Variants in AP3B1 observed in about 807,000 individuals in gnomAD.
AP3B1 encodes AP-3 complex subunit beta-1.
In AP3B1, 61 loss-of-function variants were observed where a neutral mutation model predicts 132.5. The ratio of observed to expected loss-of-function variants is 0.46; its 90% CI spans 0.37 to 0.57. AP3B1 has a LOEUF of 0.57. AP3B1 is among the 20% of genes least tolerant of loss of function. The pLI, the probability that AP3B1 is intolerant of heterozygous loss-of-function variation, is 0.00. For synonymous variants in AP3B1, 388 were observed against 438.3 expected (o/e 0.89, Z 1.43); for missense variants, 1,120 against 1,289.4 (o/e 0.87, Z 2.01).
Position 78,116,279 on chromosome 5 carries a change from G to A in AP3B1, c.1969-45C>T, listed in dbSNP as rs187644572. 7.1e-5 allele frequency: 108 copies of A among 1,523,626 alleles called. 1 individual carries two copies. The highest frequency in any genetic ancestry group is 6.4e-4 in the Admixed American group (38 of 59,784). 94.4% of individuals were successfully genotyped at this position (1,523,626 alleles called of 1,614,324 possible). ...AAATATAAATGAATTCTCATTCAGA[G>A]ATTTAGAGTTCTGGCAAACTTAATC... On this transcript the variant is annotated intron_variant, in intron 17 of 26. Transcript: ENST00000255194.
chr5:78,084,901 C>T (rs1161479870), intron 22 of AP3B1, among the ~76,000 whole-genome samples: 1 of 152,014 alleles, frequency 6.6e-6, no homozygotes, highest in Non-Finnish European at 1.5e-5. Context: ...TTCCATCTGA[C>T]ATTATACCAT....
chr5:78,195,433 G>A (rs951049580), intron 7 of AP3B1, among the ~76,000 whole-genome samples: 1 of 152,198 alleles, frequency 6.6e-6, no homozygotes, highest in African/African-American at 2.4e-5. Context: ...CCTAGAAACA[G>A]ACTCTCATAA....
intron 18 of AP3B1, among the ~76,000 whole-genome samples, chr5:78,115,150 C>T (rs977264315): frequency 3.9e-5 from 6 of 152,102 alleles, no homozygotes; most frequent in Non-Finnish European, 5.9e-5. Context: ...CCAAGTTACA[C>T]GCACATACAT....
intron 1 of AP3B1, among the ~76,000 whole-genome samples, chr5:78,280,716 GA>G: frequency 6.6e-6 from 1 of 152,162 alleles, no homozygotes. Context: ...CAAGGCCACA[GA>G]AGGCAAGTTT....
intron 24 of AP3B1, among the ~76,000 whole-genome samples, chr5:78,028,996 CT>C (rs1014040387): frequency 1.3e-5 from 2 of 151,522 alleles, no homozygotes; most frequent in Admixed American, 1.3e-4. Context: ...CATAGTTTTC[CT>C]TTTTTTTGTA....
intron 7 of AP3B1, among the ~76,000 whole-genome samples, chr5:78,189,429 T>C (rs545557336): frequency 5.9e-5 from 9 of 152,164 alleles, no homozygotes; most frequent in Non-Finnish European, 1.0e-4. Flanking sequence ...TTCTTCAATA[T>C]GTATTTAATT....
intron 23 of AP3B1, among the ~76,000 whole-genome samples, chr5:78,038,020 A>G (rs1056874643): frequency 6.6e-6 from 1 of 152,200 alleles, no homozygotes; most frequent in Non-Finnish European, 1.5e-5. Context: ...GGGATGAAAA[A>G]TGGCCACTGA....
At chr5:78,280,540 G>A (rs970144905) in intron 1 of AP3B1, among the ~76,000 whole-genome samples, 20 of 152,258 alleles carry the variant, frequency 1.3e-4, no homozygotes, top group Admixed American at 3.9e-4. Context: ...CAAAGAATCC[G>A]TTTGTGCATC....
chr5:78,091,521 TCA>T (rs1267124568), intron 21 of AP3B1, among the ~76,000 whole-genome samples: 9 of 151,970 alleles, frequency 5.9e-5, no homozygotes, highest in African/African-American at 2.2e-4. Flanking sequence ...TTAGCAAGTG[TCA>T]CAGAGTCAGG....
intron 23 of AP3B1, among the ~76,000 whole-genome samples, chr5:78,038,044 A>G (rs1160052282): frequency 6.6e-6 from 1 of 152,176 alleles, no homozygotes; most frequent in East Asian, 1.9e-4. Context: ...TTTGTTGGAG[A>G]GACAACAGGA....
intron 6 of AP3B1, among the ~76,000 whole-genome samples, chr5:78,225,295 T>C (rs1348790778): frequency 6.6e-6 from 1 of 152,086 alleles, no homozygotes; most frequent in Non-Finnish European, 1.5e-5. Context: ...AGCCACAGGT[T>C]AAAGATTTTT....
intron 17 of AP3B1, among the ~76,000 whole-genome samples, chr5:78,125,224 G>C (rs985847614): frequency 6.6e-6 from 1 of 151,958 alleles, no homozygotes. Flanking sequence ...ATTAACTAAG[G>C]ATCTTCAAAA....
intron 7 of AP3B1, among the ~76,000 whole-genome samples, chr5:78,200,764 G>A (rs965988909): frequency 3.9e-5 from 6 of 151,978 alleles, no homozygotes; most frequent in East Asian, 1.9e-4. Flanking sequence ...TAACATTAAC[G>A]TTACCAAATG....
At chr5:78,063,941 T>C (rs1483435034) in intron 22 of AP3B1, among the ~76,000 whole-genome samples, 1 of 151,808 alleles carries the variant, frequency 6.6e-6, no homozygotes, top group African/African-American at 2.4e-5. Context: ...TAATTAACAC[T>C]AGGTGGAAAA....
intron 7 of AP3B1, among the ~76,000 whole-genome samples, chr5:78,182,743 C>T (rs1744422793): frequency 6.6e-6 from 1 of 152,124 alleles, no homozygotes; most frequent in Admixed American, 6.5e-5. Flanking sequence ...ATGGCCCTAC[C>T]CCCATCCCCA....
intron 17 of AP3B1, among the ~76,000 whole-genome samples, chr5:78,119,818 C>T (rs185149176): frequency 5.2e-4 from 79 of 152,226 alleles, no homozygotes; most frequent in Middle Eastern, 3.4e-3. Context: ...GGCCAACATT[C>T]GGATTCAGGA....
intron 9 of AP3B1, among the ~76,000 whole-genome samples, chr5:78,176,346 A>T (rs926694369): frequency 7.0e-6 from 1 of 143,174 alleles, no homozygotes; most frequent in Admixed American, 6.8e-5. Context: ...GCCATAGGAA[A>T]AAAAAAAAAA....
At chr5:78,044,059 G>A (rs548242637) in intron 22 of AP3B1, 4 of 296,974 alleles carry the variant, frequency 1.3e-5, no homozygotes, top group African/African-American at 4.4e-5. Context: ...TATTGATGAC[G>A]AGAGACATGA....
chr5:78,191,555 T>C (rs1301300728), intron 7 of AP3B1, among the ~76,000 whole-genome samples: 3 of 152,086 alleles, frequency 2.0e-5, no homozygotes, highest in Non-Finnish European at 2.9e-5. Context: ...GGAGTAACGA[T>C]GGTCAGATAA....
Sources: gnomAD v4.1 joint callset for allele counts (sites outside exome capture counted in the v4.1 genomes callset) on GRCh38, gnomAD v4.1.1 for gene constraint, MANE v1.5 for transcripts, NCBI Gene and HGNC (gene_info 2026-07-23, HGNC 2026-07-21) for gene names.